The following HS6ST2 variants were observed in gnomAD, a reference collection of about 807,000 sequenced individuals.
HS6ST2 encodes heparan-sulfate 6-O-sulfotransferase 2.
A neutral mutation model predicts 33.0 loss-of-function variants in HS6ST2; 17 were observed. That is an observed-to-expected ratio of 0.52 (90% CI 0.35 to 0.77). HS6ST2 has a LOEUF of 0.77. HS6ST2 is among the 30% of genes least tolerant of loss of function. The pLI, the probability that HS6ST2 is intolerant of heterozygous loss-of-function variation, is 0.01. For synonymous variants in HS6ST2, 248 were observed against 237.1 expected (o/e 1.05, Z -0.42); for missense variants, 519 against 551.7 (o/e 0.94, Z 0.59).
At chrX:132,676,669 G>C (rs1271156569) in intron 3 of HS6ST2, among the ~76,000 whole-genome samples, 1 of 111,506 alleles carries the variant, frequency 9.0e-6, no homozygotes, top group Non-Finnish European at 1.9e-5. Flanking sequence ...GGGACCCCCA[G>C]AGTTTCTGAT....
intron 4 of HS6ST2, among the ~76,000 whole-genome samples, chrX:132,647,095 T>C (rs1035528982): frequency 1.8e-5 from 2 of 111,266 alleles, no homozygotes; most frequent in East Asian, 5.7e-4. Flanking sequence ...AGACTGCCCA[T>C]ATGGACAGGA....
chrX:132,853,608 C>G (rs1320923333), intron 2 of HS6ST2, among the ~76,000 whole-genome samples: 1 of 111,362 alleles, frequency 9.0e-6, no homozygotes, highest in Non-Finnish European at 1.9e-5. Context: ...AACATCAAGT[C>G]TTCTCATGTT....
chrX:132,737,160 T>C (rs1407575838), intron 2 of HS6ST2, among the ~76,000 whole-genome samples: 1 of 111,030 alleles, frequency 9.0e-6, no homozygotes, highest in Non-Finnish European at 1.9e-5. Context: ...CTCGACCCTG[T>C]GGGGAGTCGA....
At chrX:132,714,470 A>T (rs1602602769) in intron 2 of HS6ST2, among the ~76,000 whole-genome samples, 1 of 110,101 alleles carries the variant, frequency 9.1e-6, no homozygotes, top group African/African-American at 3.3e-5. Context: ...CTGCCACCAC[A>T]CCCGGCTAAT....
At chrX:132,897,946 G>A (rs1406049124) in intron 2 of HS6ST2, among the ~76,000 whole-genome samples, 3 of 111,567 alleles carry the variant, frequency 2.7e-5, no homozygotes, top group Admixed American at 9.6e-5. Flanking sequence ...CCACGAATGG[G>A]TACTGGTCCA....
chrX:132,636,863 A>G (rs858620), intron 4 of HS6ST2, among the ~76,000 whole-genome samples: 49,492 of 110,870 alleles, frequency 0.45, 9,600 homozygotes, highest in African/African-American at 0.76. Context: ...ATAGCCAGGA[A>G]CTGGGGGTGC....
chrX:132,960,575 GA>G (rs1451591402), upstream of HS6ST2, among the ~76,000 whole-genome samples: 3 of 99,396 alleles, frequency 3.0e-5, no homozygotes, highest in Non-Finnish European at 4.1e-5. Context: ...AGTACGGGGG[GA>G]AAAGTCAGGT....
At chrX:132,911,698 G>GT (rs2066536495) in intron 2 of HS6ST2, among the ~76,000 whole-genome samples, 4 of 32 alleles carry the variant, frequency 0.12, no homozygotes, top group Admixed American at 0.38. Context: ...GAGTGCAGTG[G>GT]CCCATCTCGG....
At chrX:132,666,129 G>A (rs180678375) in intron 4 of HS6ST2, among the ~76,000 whole-genome samples, 5 of 111,885 alleles carry the variant, frequency 4.5e-5, no homozygotes, top group East Asian at 5.7e-4. Flanking sequence ...TGGAGTGACC[G>A]ACTTGCATTT....
intron 3 of HS6ST2, among the ~76,000 whole-genome samples, chrX:132,695,507 A>G: frequency 8.9e-6 from 1 of 111,991 alleles, no homozygotes; most frequent in African/African-American, 3.2e-5. Flanking sequence ...ACCTACTATC[A>G]GCTCATGTGC....
intron 2 of HS6ST2, among the ~76,000 whole-genome samples, chrX:132,842,720 T>C (rs1166645853): frequency 1.8e-5 from 2 of 111,500 alleles, no homozygotes; most frequent in East Asian, 2.8e-4. Context: ...CTGAAGGAGA[T>C]AGATCCTGGT....
chrX:132,952,893 C>T (rs942660974), intron 2 of HS6ST2, among the ~76,000 whole-genome samples: 1 of 111,156 alleles, frequency 9.0e-6, no homozygotes, highest in Non-Finnish European at 1.9e-5. Context: ...GGGTGTGGTA[C>T]CCCCGGCCCA....
chrX:132,937,821 G>A (rs1007887063), intron 2 of HS6ST2, among the ~76,000 whole-genome samples: 1 of 111,159 alleles, frequency 9.0e-6, no homozygotes, highest in Non-Finnish European at 1.9e-5. Flanking sequence ...AAGAGAATGC[G>A]AGGTTGGCTT....
chrX:132,654,248 A>G (rs1414604499), intron 4 of HS6ST2, among the ~76,000 whole-genome samples: 1 of 111,636 alleles, frequency 9.0e-6, no homozygotes, highest in Non-Finnish European at 1.9e-5. Flanking sequence ...ATTTACCTCC[A>G]AAACTCAATG....
chrX:132,807,067 T>G (rs766031933), intron 2 of HS6ST2, among the ~76,000 whole-genome samples: 8 of 109,988 alleles, frequency 7.3e-5, no homozygotes, highest in Non-Finnish European at 1.2e-4. Context: ...GGTGCAAAAG[T>G]ATTTGCGGTT....
At chrX:132,903,941 A>G (rs891567069) in intron 2 of HS6ST2, among the ~76,000 whole-genome samples, 10 of 112,031 alleles carry the variant, frequency 8.9e-5, no homozygotes, top group Non-Finnish European at 1.9e-4. Context: ...TCTCATCCAT[A>G]TGTACAAATT....
At chrX:132,887,383 G>T (rs1161025927) in intron 2 of HS6ST2, among the ~76,000 whole-genome samples, 1 of 111,837 alleles carries the variant, frequency 8.9e-6, no homozygotes, top group African/African-American at 3.2e-5. Context: ...GGAGATCTGT[G>T]AATGTTTAAT....
intron 2 of HS6ST2, among the ~76,000 whole-genome samples, chrX:132,877,482 A>G (rs1054060499): frequency 9.0e-6 from 1 of 111,693 alleles, no homozygotes; most frequent in East Asian, 2.8e-4. Flanking sequence ...AAACTGAAGT[A>G]ACTGGAAGTC....
chrX:132,933,732 A>G (rs1425954447), intron 2 of HS6ST2, among the ~76,000 whole-genome samples: 1 of 111,943 alleles, frequency 8.9e-6, no homozygotes, highest in Non-Finnish European at 1.9e-5. Flanking sequence ...AAAGTGACCC[A>G]TCACACAGAG....
Sources: allele counts gnomAD v4.1 joint callset (sites outside exome capture counted in the v4.1 genomes callset), GRCh38; gene constraint gnomAD v4.1.1; transcripts MANE v1.5; gene names NCBI Gene and HGNC (gene_info 2026-07-23, HGNC 2026-07-21).